APBB1IP: variants seen among roughly 807,000 people sequenced by gnomAD.
APBB1IP encodes amyloid beta A4 precursor protein-binding family B member 1-interacting protein.
A neutral mutation model predicts 64.9 loss-of-function variants in APBB1IP; 27 were observed. That is an observed-to-expected ratio of 0.42 (90% confidence interval 0.31 to 0.57). The LOEUF (loss-of-function observed/expected upper bound fraction) is 0.57, where lower values mean the gene tolerates loss of function less well. Ranked by LOEUF, APBB1IP falls within the 20% of genes least tolerant of loss-of-function variation. APBB1IP has a pLI of 0.20. For missense variants in APBB1IP, 812 were observed against 845.5 expected, an observed-to-expected ratio of 0.96 and a Z score of 0.49; for synonymous variants, 392 against 331.0, an observed-to-expected ratio of 1.18 and a Z score of -2.00.
chr10:26,500,449 C>A (rs1477124440), intron 4 of APBB1IP, among the ~76,000 whole-genome samples: 1 of 152,158 alleles, frequency 6.6e-6, no homozygotes, highest in Admixed American at 6.5e-5. Flanking sequence ...ATGCTCCCCC[C>A]TCTGCTACTT....
chr10:26,567,346 C>G lies in APBB1IP; in HGVS notation c.1859C>G (p.Pro620Arg), dbSNP rs751344296. ...PAPVPDSARPPPAVAKRPPVP... is the reference protein window; with the variant it reads ...PAPVPDSARPRPAVAKRPPVP... Reference sequence around the variant, plus strand: ...CCCGTCCCCGACTCCGCCAGGCCGCCCCCCGCGGTGGCCAAGAGGCCTCCT... The same window carrying G: ...CCCGTCCCCGACTCCGCCAGGCCGCGCCCCGCGGTGGCCAAGAGGCCTCCT... The change falls in exon 15 of 15, where the codon CCC (proline) becomes CGC (arginine). Residue 620 changes from proline (P) to arginine (R), a missense_variant. By Grantham distance (103) the Pro-to-Arg change is moderately radical. Transcript: ENST00000376236. 5 of 1,447,914 alleles carry G rather than the reference C, an allele frequency of 3.5e-6. 1 individual carries two copies. In the South Asian group the frequency reaches 6.2e-5, roughly 18 times the overall value. 89.7% of individuals were successfully genotyped at this position (1,447,914 alleles called of 1,614,324 possible). A position where few individuals can be genotyped will look rare whatever the true frequency, so the allele number is the denominator to read the frequency against.
At position 26,567,433 on chromosome 10, in the gene APBB1IP, A is replaced by G; in HGVS notation, c.1946A>G (p.Asp649Gly). The G allele has an allele frequency of 6.2e-7, 1 of 1,608,032 alleles. No homozygotes were observed. ...GGCGGAGCAGGAGGCGGGGAGCAAG[A>G]TTTCATGTCAGACCTCATGAAAGCT... Reference protein sequence around the residue: ...HPGGAGGGEQDFMSDLMKALQ... With the variant: ...HPGGAGGGEQGFMSDLMKALQ... Residue 649 changes from aspartate (D) to glycine (G), a missense_variant, in exon 15 of 15, where the codon GAT becomes GGT. Physicochemically the swap from Asp to Gly is moderately conservative, Grantham distance 94. Coordinates refer to ENST00000376236, the MANE Select transcript of APBB1IP (RefSeq NM_019043.4).
intron 11 of APBB1IP, among the ~76,000 whole-genome samples, chr10:26,551,427 C>T (rs1836829437): frequency 6.6e-6 from 1 of 152,214 alleles, no homozygotes; most frequent in African/African-American, 2.4e-5. Context: ...CGGTTTCACT[C>T]ATTTTTGCAG....
At chr10:26,445,668 GT>G (rs1835390043) in intron 2 of APBB1IP, among the ~76,000 whole-genome samples, 1 of 152,202 alleles carries the variant, frequency 6.6e-6, no homozygotes, top group Non-Finnish European at 1.5e-5. Flanking sequence ...CCACAAAGAA[GT>G]TTTTTGTGCC....
intron 2 of APBB1IP, among the ~76,000 whole-genome samples, chr10:26,453,072 G>C (rs565180187): frequency 1.8e-4 from 28 of 152,220 alleles, no homozygotes; most frequent in Non-Finnish European, 3.2e-4. Context: ...AGAGAGTTGA[G>C]GTATAAATAT....
At chr10:26,505,473 C>T (rs951648318) in intron 6 of APBB1IP, among the ~76,000 whole-genome samples, 3 of 152,098 alleles carry the variant, frequency 2.0e-5, no homozygotes, top group Admixed American at 1.3e-4. Context: ...TCCTGGGTGC[C>T]CAGTGAGCTA....
chr10:26,567,242 GC>G lies in APBB1IP; in HGVS notation c.1760del (p.Pro587ArgfsTer69), dbSNP rs1259309148. ...MEPPPDFVPP[P>X]PPSYAGIAGS... is the part of the protein sequence containing the mutation. ...AGCCGCCCCCAGACTTCGTGCCCCC[GC>G]CCCCGCCGTCGTACGCAGGGATCGC... On this transcript the variant is annotated frameshift_variant, in exon 15 of 15. Coordinates refer to ENST00000376236, the MANE Select transcript of APBB1IP (RefSeq NM_019043.4). LOFTEE classifies it low-confidence loss of function (END_TRUNC). 1.7e-6 allele frequency: 2 copies of G among 1,174,728 alleles called. No individual in the cohort carries two copies. Among genetic ancestry groups the G allele is most frequent in the Admixed American group, 4.1e-5 (1 of 24,598 alleles). 72.8% of individuals were successfully genotyped at this position (1,174,728 alleles called of 1,614,324 possible).
intron 2 of APBB1IP, among the ~76,000 whole-genome samples, chr10:26,447,440 G>T (rs1481050483): frequency 6.7e-6 from 1 of 149,374 alleles, no homozygotes; most frequent in Non-Finnish European, 1.5e-5. Context: ...AGAAAGATAC[G>T]CCAGGCACCA....
At chr10:26,471,788 G>A (rs752399393) in intron 2 of APBB1IP, among the ~76,000 whole-genome samples, 12 of 152,144 alleles carry the variant, frequency 7.9e-5, no homozygotes, top group Middle Eastern at 3.4e-3. Flanking sequence ...GGGTTCAAGC[G>A]ATTCCCCAGC....
At chr10:26,511,960 G>A (rs1836266668) in intron 7 of APBB1IP, 54 bp downstream of exon 7, 4 of 1,583,778 alleles carry the variant, frequency 2.5e-6, no homozygotes, top group African/African-American at 2.7e-5. Context: ...TGGGTTTGCT[G>A]TATAATGGGC....
intron 14 of APBB1IP, among the ~76,000 whole-genome samples, chr10:26,564,710 T>C (rs151304348): frequency 6.6e-6 from 1 of 151,922 alleles, no homozygotes; most frequent in Non-Finnish European, 1.5e-5. Flanking sequence ...GGCTGAGGCA[T>C]GAGGATTGCT....
At chr10:26,502,707 A>C (rs1387620320) in intron 5 of APBB1IP, among the ~76,000 whole-genome samples, 2 of 152,180 alleles carry the variant, frequency 1.3e-5, no homozygotes, top group Non-Finnish European at 2.9e-5. Flanking sequence ...TAAGAATCTA[A>C]TAAAAAATTG....
chr10:26,501,982 A>T (rs1369786069), intron 5 of APBB1IP: 2 of 152,204 alleles, frequency 1.3e-5, no homozygotes, highest in Non-Finnish European at 2.9e-5. Flanking sequence ...TTTATGTGAA[A>T]ATGGAGATCG....
chr10:26,567,216 G>A lies in APBB1IP; in HGVS notation c.1729G>A (p.Glu577Lys), dbSNP rs1837060780. 8.0e-6 allele frequency: 11 copies of A among 1,373,370 alleles called. No homozygotes were observed. The highest frequency in any genetic ancestry group is 5.6e-6 in the Non-Finnish European group (6 of 1,065,494). The allele number at this position is 1,373,370 out of a possible 1,614,324, so 85.1% of individuals were successfully genotyped here. A position where few individuals can be genotyped will look rare whatever the true frequency, so the allele number is the denominator to read the frequency against. ...ELPPPPPDFM[E>K]PPPDFVPPPP... ...CCCGCCGCCGCCCCCGGACTTCATG[G>A]AGCCGCCCCCAGACTTCGTGCCCCC... Residue 577 changes from glutamate (E) to lysine (K), a missense_variant, in exon 15 of 15, where the codon GAG becomes AAG. Coordinates refer to ENST00000376236, the MANE Select transcript of APBB1IP (RefSeq NM_019043.4).
intron 11 of APBB1IP, among the ~76,000 whole-genome samples, chr10:26,549,627 G>C (rs1455085207): frequency 1.3e-5 from 2 of 151,648 alleles, no homozygotes; most frequent in Non-Finnish European, 2.9e-5. Context: ...TAGTTTTTAT[G>C]ATCTTTTGTA....
chr10:26,536,025 G>T (rs372646491), intron 9 of APBB1IP, 49 bp from the exon 10 acceptor site: 11 of 1,518,168 alleles, frequency 7.2e-6, no homozygotes, highest in Non-Finnish European at 9.7e-6. Context: ...ATAAAAATGC[G>T]TGCTTTATCT....
rs1835771940 is a variant in APBB1IP at position 26,476,074 on chromosome 10, T to G, written c.1-16253T>G. On this transcript the variant is annotated intron_variant, in intron 2 of 14. Coordinates refer to ENST00000376236, the MANE Select transcript of APBB1IP (RefSeq NM_019043.4). ...GTCTTTATAAAAACTTTTTTTTTTTTTTTTGAGAGAGTCTCCCTCTGTGGC... is the reference window on the plus strand; with the variant it reads ...GTCTTTATAAAAACTTTTTTTTTTTGTTTTGAGAGAGTCTCCCTCTGTGGC... 2.0e-5 allele frequency among the ~76,000 whole-genome samples: 3 copies of G among 151,686 alleles called. No individual in the cohort carries two copies. In the South Asian group the frequency reaches 6.2e-4, roughly 31 times the overall value.
chr10:26,493,997 C>G (rs1835989836), intron 3 of APBB1IP, among the ~76,000 whole-genome samples: 1 of 152,100 alleles, frequency 6.6e-6, no homozygotes, highest in African/African-American at 2.4e-5. Flanking sequence ...CCACCACACC[C>G]AGCTAATTTT....
intron 2 of APBB1IP, among the ~76,000 whole-genome samples, chr10:26,447,218 A>G (rs1468570898): frequency 1.7e-5 from 2 of 118,020 alleles, no homozygotes; most frequent in East Asian, 5.3e-4. Context: ...CTAAAAAAGT[A>G]CAAAAAATTA....
Sources: gnomAD v4.1 joint callset for allele counts (sites outside exome capture counted in the v4.1 genomes callset) on GRCh38, gnomAD v4.1.1 for gene constraint, MANE v1.5 for transcripts, NCBI Gene and HGNC (gene_info 2026-07-23, HGNC 2026-07-21) for gene names.